Variants in NXN observed in about 807,000 individuals in gnomAD.
NXN encodes the protein nucleoredoxin 1.
NXN carries 16 observed loss-of-function variants against 48.6 expected under a neutral mutation model. That is an observed-to-expected ratio of 0.33 (90% CI 0.22 to 0.50). The LOEUF (loss-of-function observed/expected upper bound fraction) is 0.50. Among genes scored for constraint, NXN ranks in the 20% least tolerant of loss-of-function variants. The pLI is 0.98. For synonymous variants in NXN, 281 were observed against 269.6 expected (o/e 1.04, Z -0.41); for missense variants, 492 against 605.5 (o/e 0.81, Z 1.97).
intron 1 of NXN, among the ~76,000 whole-genome samples, chr17:940,164 C>A (rs749326428): frequency 2.6e-5 from 4 of 151,760 alleles, no homozygotes; most frequent in African/African-American, 4.8e-5. Flanking sequence ...CCCAGGCTGG[C>A]CTCAGGTGAT....
At chr17:946,403 G>T (rs536305304) in intron 1 of NXN, among the ~76,000 whole-genome samples, 1 of 152,098 alleles carries the variant, frequency 6.6e-6, no homozygotes, top group Non-Finnish European at 1.5e-5. Flanking sequence ...TCTTGACCTC[G>T]TGATCCGCCC....
chr17:832,895 TTTTA>T (rs1203641756), intron 1 of NXN, among the ~76,000 whole-genome samples: 7 of 151,906 alleles, frequency 4.6e-5, no homozygotes, highest in African/African-American at 7.3e-5. Context: ...ATCTGACGCT[TTTTA>T]TTTGTTTCTT....
chr17:867,629 T>C (rs891327929), intron 1 of NXN, among the ~76,000 whole-genome samples: 2 of 152,216 alleles, frequency 1.3e-5, no homozygotes, highest in South Asian at 2.1e-4. Context: ...ACGTGGAAGA[T>C]TGAAAAGTCT....
chr17:925,877 A>G (rs1450233399), intron 1 of NXN, among the ~76,000 whole-genome samples: 1 of 152,214 alleles, frequency 6.6e-6, no homozygotes, highest in Non-Finnish European at 1.5e-5. Flanking sequence ...GCAAAAAGTC[A>G]TCATTCCAGT....
intron 1 of NXN, among the ~76,000 whole-genome samples, chr17:973,665 G>C (rs2069419302): frequency 6.6e-6 from 1 of 151,816 alleles, no homozygotes; most frequent in Non-Finnish European, 1.5e-5. Context: ...AATCTCTTAT[G>C]GGGCAATTTT....
chr17:922,170 A>G (rs932445494), intron 1 of NXN, among the ~76,000 whole-genome samples: 4 of 152,198 alleles, frequency 2.6e-5, no homozygotes, highest in Non-Finnish European at 4.4e-5. Flanking sequence ...GGCCAGGCAC[A>G]GTGGCTCACG....
chr17:948,116 AT>A (rs1263812193), intron 1 of NXN, among the ~76,000 whole-genome samples: 10 of 152,236 alleles, frequency 6.6e-5, no homozygotes, highest in African/African-American at 2.2e-4. Context: ...CAAATAAAAA[AT>A]AAAATACAAC....
intron 1 of NXN, among the ~76,000 whole-genome samples, chr17:903,841 C>T (rs2068558601): frequency 6.6e-6 from 1 of 152,224 alleles, no homozygotes; most frequent in Admixed American, 6.5e-5. Flanking sequence ...AAGGGCCTGA[C>T]GCCTGCCTTC....
intron 1 of NXN, among the ~76,000 whole-genome samples, chr17:970,196 C>T (rs1032259570): frequency 6.6e-6 from 1 of 152,146 alleles, no homozygotes; most frequent in Non-Finnish European, 1.5e-5. Context: ...CGAGTAACGG[C>T]ACTGGGCTTC....
Position 943,309 on chromosome 17 carries a change from G to A in NXN, c.360+36010C>T, listed in dbSNP as rs147659547. Reference sequence around the variant, plus strand: ...CTCTGTATGAACTACCCAGGTTCGAGGACCTCCAGAGAAAGGTCACCAACA... The same window carrying A: ...CTCTGTATGAACTACCCAGGTTCGAAGACCTCCAGAGAAAGGTCACCAACA... On this transcript the variant is annotated intron_variant, in intron 1 of 7. Transcript: ENST00000336868. 9.2e-5 allele frequency among the ~76,000 whole-genome samples: 14 copies of A among 152,164 alleles called. No homozygotes were observed. The East Asian group carries it at 2.5e-3, about 27-fold the overall frequency.
intron 1 of NXN, among the ~76,000 whole-genome samples, chr17:947,883 CA>C (rs71145800): frequency 9.2e-4 from 110 of 119,224 alleles, no homozygotes; most frequent in Admixed American, 1.4e-3. Context: ...TACTGAAATA[CA>C]AAAAAAAAAA....
chr17:819,104 G>A (rs568788396), intron 5 of NXN: 9 of 330,836 alleles, frequency 2.7e-5, no homozygotes, highest in South Asian at 1.4e-4. Context: ...CCGCCACCAC[G>A]CCCAGCTAAT....
chr17:864,629 G>T (rs560208892), intron 1 of NXN, among the ~76,000 whole-genome samples: 1 of 152,272 alleles, frequency 6.6e-6, no homozygotes, highest in East Asian at 1.9e-4. Context: ...TAATTCTCTG[G>T]TCTAACATTT....
At chr17:974,456 G>T (rs1449640914) in intron 1 of NXN, among the ~76,000 whole-genome samples, 1 of 151,996 alleles carries the variant, frequency 6.6e-6, no homozygotes, top group East Asian at 1.9e-4. Flanking sequence ...TGAAATGAAT[G>T]ACTAAACTTA....
chr17:843,243 G>A (rs571634818), intron 1 of NXN, among the ~76,000 whole-genome samples: 9 of 152,286 alleles, frequency 5.9e-5, no homozygotes, highest in South Asian at 4.1e-4. Flanking sequence ...TGGGGAGTCC[G>A]GTTCCCCGAC....
chr17:969,123 T>C (rs1467715730), intron 1 of NXN, among the ~76,000 whole-genome samples: 5 of 152,108 alleles, frequency 3.3e-5, no homozygotes, highest in African/African-American at 1.2e-4. Flanking sequence ...AACCATAAAA[T>C]GTGGAATGAA....
At chr17:806,548 G>A (rs1911536416) in intron 5 of NXN, among the ~76,000 whole-genome samples, 1 of 151,914 alleles carries the variant, frequency 6.6e-6, no homozygotes, top group Non-Finnish European at 1.5e-5. Flanking sequence ...GGGGACCTTT[G>A]TCTCTCCACT....
intron 1 of NXN, among the ~76,000 whole-genome samples, chr17:973,614 T>C (rs561021569): frequency 4.6e-5 from 7 of 152,248 alleles, no homozygotes; most frequent in African/African-American, 1.7e-4. Flanking sequence ...TAAGGCACTG[T>C]ATTTGTTGTT....
At position 801,147 on chromosome 17, in the gene NXN, G is replaced by A. The variant is rs529101224; in HGVS notation, c.1126-16C>T. The A allele has an allele frequency of 5.3e-6, 8 of 1,507,096 alleles. No homozygotes were observed. The highest frequency in any genetic ancestry group is 7.1e-6 in the Non-Finnish European group (8 of 1,125,198). The allele number at this position is 1,507,096 out of a possible 1,614,324, so 93.4% of individuals were successfully genotyped here. A position where few individuals can be genotyped will look rare whatever the true frequency, so the allele number is the denominator to read the frequency against. On this transcript the variant is annotated splice_polypyrimidine_tract_variant and intron_variant, in intron 7 of 7. Transcript: ENST00000336868. ...TCATGTCATCCTGAAGCCGTCAGGAGGGAGAGAAAACCAAGAAGTTTTAAA... is the reference window on the plus strand; with the variant it reads ...TCATGTCATCCTGAAGCCGTCAGGAAGGAGAGAAAACCAAGAAGTTTTAAA...
Sources: allele counts gnomAD v4.1 joint callset (sites outside exome capture counted in the v4.1 genomes callset), GRCh38; gene constraint gnomAD v4.1.1; transcripts MANE v1.5; gene names NCBI Gene and HGNC (gene_info 2026-07-23, HGNC 2026-07-21).